Variants in BCAS4 observed in about 807,000 individuals in gnomAD.
The protein encoded by BCAS4 is breast carcinoma-amplified sequence 4.
A neutral mutation model predicts 15.7 loss-of-function variants in BCAS4; 9 were observed. The ratio of observed to expected loss-of-function variants is 0.57; its 90% CI spans 0.34 to 1.00. The LOEUF (loss-of-function observed/expected upper bound fraction) is 1.00. BCAS4 is among the 50% of genes least tolerant of loss of function. The probability of loss-of-function intolerance (pLI) is 0.02; values close to 1 mark genes in which losing one functional copy is unlikely to be tolerated. For missense variants in BCAS4, 225 were observed against 239.1 expected (o/e 0.94, Z 0.39); for synonymous variants, 101 against 99.5 (o/e 1.02, Z -0.09).
At chr20:50,814,268 G>A (rs1307417895) in intron 1 of BCAS4, among the ~76,000 whole-genome samples, 1 of 152,164 alleles carries the variant, frequency 6.6e-6, no homozygotes, top group Non-Finnish European at 1.5e-5. Context: ...CAACAAAGGG[G>A]ACACATTTCT....
intron 3 of BCAS4, among the ~76,000 whole-genome samples, chr20:50,837,143 C>T (rs777884532): frequency 1.3e-5 from 2 of 152,188 alleles, no homozygotes; most frequent in African/African-American, 2.4e-5. Context: ...GAAAAAGCCG[C>T]CGAGGCACAG....
Position 50,851,516 on chromosome 20 carries a change from G to A in BCAS4, c.399+9616G>A, listed in dbSNP as rs1451637119. Among the ~76,000 whole-genome samples, 1 of 152,202 alleles carries A rather than the reference G, an allele frequency of 6.6e-6. No individual in the cohort carries two copies. The highest frequency in any genetic ancestry group is 2.4e-5 in the African/African-American group (1 of 41,446). On this transcript the variant is annotated intron_variant, in intron 4 of 4. Transcript: ENST00000371608. The surrounding 1 kb of genome is among the most constrained non-coding windows in gnomAD (Gnocchi z 4.3). ...CTGAGATTTTGAGGATGAGAGGGGAGAAAGTTCCTTCCGACAACAAGAAGT... is the reference window on the plus strand; with the variant it reads ...CTGAGATTTTGAGGATGAGAGGGGAAAAAGTTCCTTCCGACAACAAGAAGT...
intron 1 of BCAS4, among the ~76,000 whole-genome samples, chr20:50,803,179 TC>T (rs2087948792): frequency 1.3e-5 from 2 of 152,330 alleles, no homozygotes; most frequent in African/African-American, 4.8e-5. Context: ...AGATTCTGTC[TC>T]AAAAACAAAA....
chr20:50,859,966 C>T (rs1978985189), intron 4 of BCAS4, among the ~76,000 whole-genome samples: 1 of 151,866 alleles, frequency 6.6e-6, no homozygotes, highest in East Asian at 1.9e-4. Context: ...ATAGGGAGAC[C>T]CCCATCTCAA....
At chr20:50,814,931 G>T (rs2088120019) in intron 1 of BCAS4, among the ~76,000 whole-genome samples, 1 of 152,124 alleles carries the variant, frequency 6.6e-6, no homozygotes, top group Non-Finnish European at 1.5e-5. Context: ...AACATAGTGA[G>T]ACCCCTGTCT....
At chr20:50,826,377 C>G (rs1464405188) in intron 2 of BCAS4, among the ~76,000 whole-genome samples, 1 of 152,146 alleles carries the variant, frequency 6.6e-6, no homozygotes, top group Non-Finnish European at 1.5e-5. Flanking sequence ...GCAGTCCCAG[C>G]CTTTGCTGCC....
chr20:50,811,647 G>T (rs1276693973), intron 1 of BCAS4, among the ~76,000 whole-genome samples: 1 of 152,058 alleles, frequency 6.6e-6, no homozygotes, highest in Admixed American at 6.6e-5. Context: ...TTTTGAGATG[G>T]AGTCTCGTTC....
intron 3 of BCAS4, among the ~76,000 whole-genome samples, chr20:50,834,415 C>A (rs2088382657): frequency 6.6e-6 from 1 of 151,176 alleles, no homozygotes; most frequent in Admixed American, 6.6e-5. Flanking sequence ...CCTGCCTCAG[C>A]CTCCCGAGTA....
intron 3 of BCAS4, among the ~76,000 whole-genome samples, chr20:50,839,528 G>A (rs2088451244): frequency 1.3e-5 from 2 of 152,006 alleles, no homozygotes; most frequent in Non-Finnish European, 2.9e-5. Context: ...TTTTGAAATG[G>A]AGCTTGCCCT....
intron 4 of BCAS4, among the ~76,000 whole-genome samples, chr20:50,852,476 C>T (rs1456949360): frequency 6.6e-6 from 1 of 152,078 alleles, no homozygotes; most frequent in African/African-American, 2.4e-5. Flanking sequence ...CTTCCTCCCA[C>T]GCTCAAGCAG....
intron 2 of BCAS4, among the ~76,000 whole-genome samples, chr20:50,829,345 C>T (rs1305995380): frequency 1.3e-5 from 2 of 152,076 alleles, no homozygotes; most frequent in Non-Finnish European, 2.9e-5. Flanking sequence ...CGGGTTCAAG[C>T]GATTCTGCTG....
At chr20:50,847,587 G>A (rs1486166911) in intron 4 of BCAS4, among the ~76,000 whole-genome samples, 2 of 152,200 alleles carry the variant, frequency 1.3e-5, no homozygotes, top group South Asian at 2.1e-4. Context: ...GGAAACTGAG[G>A]CATAGAGAGG....
chr20:50,875,295 C>T (rs576008535), intron 4 of BCAS4, among the ~76,000 whole-genome samples: 134 of 151,894 alleles, frequency 8.8e-4, no homozygotes, highest in African/African-American at 2.7e-3. Flanking sequence ...TGCAGGAGCC[C>T]GCCAGCCAGC....
intron 1 of BCAS4, among the ~76,000 whole-genome samples, chr20:50,803,246 A>T (rs57527380): frequency 3.3e-5 from 5 of 152,188 alleles, no homozygotes; most frequent in Non-Finnish European, 7.4e-5. Flanking sequence ...CCAGTGCCAT[A>T]GCGATTCTTC....
intron 4 of BCAS4, among the ~76,000 whole-genome samples, chr20:50,844,372 T>C (rs1399059045): frequency 6.6e-6 from 1 of 152,088 alleles, no homozygotes. Flanking sequence ...AGTTTGAGAC[T>C]GCAATGAACC....
intron 3 of BCAS4, chr20:50,840,927 T>G (rs184630064): frequency 9.6e-5 from 55 of 572,526 alleles, no homozygotes; most frequent in Non-Finnish European, 1.6e-4. Flanking sequence ...CCTCCCGGGT[T>G]CAAGTAATTT....
intron 3 of BCAS4, among the ~76,000 whole-genome samples, chr20:50,837,594 T>G (rs117448088): frequency 0.048 from 7,337 of 152,240 alleles, 201 homozygotes; most frequent in African/African-American, 0.059. Flanking sequence ...TGGCTAAGAT[T>G]AGCGGTGGGC....
At chr20:50,873,416 G>A (rs780675419) in intron 4 of BCAS4, among the ~76,000 whole-genome samples, 4 of 152,224 alleles carry the variant, frequency 2.6e-5, no homozygotes, top group East Asian at 1.9e-4. Context: ...AAGAAGGGCC[G>A]TGTCTTTTCA....
intron 3 of BCAS4, among the ~76,000 whole-genome samples, chr20:50,833,366 T>C (rs1050976009): frequency 6.6e-6 from 1 of 152,174 alleles, no homozygotes; most frequent in African/African-American, 2.4e-5. Flanking sequence ...GACAGCCTAG[T>C]GGTTAGGGGC....
Sources: allele counts gnomAD v4.1 joint callset (sites outside exome capture counted in the v4.1 genomes callset), GRCh38; gene constraint gnomAD v4.1.1; non-coding constraint Gnocchi (gnomAD v3.1); transcripts MANE v1.5; gene names NCBI Gene and HGNC (gene_info 2026-07-23, HGNC 2026-07-21).